CHRM3: variants seen among roughly 807,000 people sequenced by gnomAD.
CHRM3 encodes cholinergic receptor muscarinic 3, also known as muscarinic acetylcholine receptor M3.
Under a neutral mutation model 41.8 loss-of-function variants are expected in CHRM3, and 11 were observed. The observed-to-expected ratio is 0.26, with a 90% CI of 0.17 to 0.44. CHRM3 has a LOEUF of 0.44. CHRM3 is among the 20% of genes least tolerant of loss of function. The pLI is 1.00. For missense variants in CHRM3, 571 were observed against 745.4 expected, an observed-to-expected ratio of 0.77 and a Z score of 2.72; for synonymous variants, 297 against 301.4, an observed-to-expected ratio of 0.99 and a Z score of 0.15.
chr1:239,815,836 T>C (rs144097944), intron 5 of CHRM3, among the ~76,000 whole-genome samples: 2 of 152,326 alleles, frequency 1.3e-5, no homozygotes, highest in Non-Finnish European at 2.9e-5. Context: ...CCAGGTTTTA[T>C]GCATCTTTAA....
intron 6 of CHRM3, among the ~76,000 whole-genome samples, chr1:239,906,788 G>A (rs1679999201): frequency 1.3e-5 from 2 of 152,176 alleles, no homozygotes; most frequent in Admixed American, 1.3e-4. Flanking sequence ...AAGTTCATCT[G>A]CATGTTATCA....
chr1:239,821,205 A>T (rs1444636991), intron 5 of CHRM3, among the ~76,000 whole-genome samples: 2 of 152,216 alleles, frequency 1.3e-5, no homozygotes, highest in Non-Finnish European at 2.9e-5. Context: ...GGTGTTTCCA[A>T]CATCCAGGAT....
At chr1:239,815,028 G>A (rs890585525) in intron 5 of CHRM3, among the ~76,000 whole-genome samples, 4 of 152,088 alleles carry the variant, frequency 2.6e-5, no homozygotes, top group Non-Finnish European at 2.9e-5. Context: ...CACCTGCCTC[G>A]GCCTCCCAAA....
At chr1:239,416,047 AAG>A (rs758074873) in intron 1 of CHRM3, among the ~76,000 whole-genome samples, 2 of 152,224 alleles carry the variant, frequency 1.3e-5, no homozygotes, top group Non-Finnish European at 2.9e-5. Context: ...AGAGAAATAA[AAG>A]AGGCTCTTCA....
chr1:239,459,970 T>G (rs2147872558), intron 1 of CHRM3, among the ~76,000 whole-genome samples: 1 of 152,332 alleles, frequency 6.6e-6, no homozygotes, highest in Non-Finnish European at 1.5e-5. Flanking sequence ...TCAGGGGCTT[T>G]ACCCATACTA....
In CHRM3 at chr1:239,494,717, G is replaced by A. The variant is rs577467020; in HGVS notation, c.-422+1910G>A. On this transcript the variant is annotated intron_variant, in intron 2 of 6. Coordinates refer to ENST00000676153, the MANE Select transcript of CHRM3 (RefSeq NM_001375978.1). Reference sequence around the variant, plus strand: ...CTCCCCAACCCAGCCTTCCCTGATAGGCCCCAGTGTGTGATGTTCCCCTCC... The same window carrying A: ...CTCCCCAACCCAGCCTTCCCTGATAAGCCCCAGTGTGTGATGTTCCCCTCC... Among the ~76,000 whole-genome samples, 146 of 152,084 alleles carry A rather than the reference G, an allele frequency of 9.6e-4. 1 individual carries two copies. Among genetic ancestry groups the A allele is most frequent in the African/African-American group, 3.5e-3 (144 of 41,478 alleles).
chr1:239,551,996 T>C (rs1056003207), intron 3 of CHRM3, among the ~76,000 whole-genome samples: 16 of 152,146 alleles, frequency 1.1e-4, no homozygotes, highest in Admixed American at 6.5e-4. Flanking sequence ...ATTCATCCGG[T>C]TGTGTAACCA....
intron 5 of CHRM3, among the ~76,000 whole-genome samples, chr1:239,795,548 A>C (rs80136938): frequency 0.012 from 1,864 of 152,246 alleles, 45 homozygotes; most frequent in African/African-American, 0.043. Flanking sequence ...GTCCTTGTAA[A>C]CTGTCCAAAT....
chr1:239,894,466 T>C (rs1678819484), intron 6 of CHRM3, among the ~76,000 whole-genome samples: 1 of 152,134 alleles, frequency 6.6e-6, no homozygotes, highest in Admixed American at 6.5e-5. Context: ...GGAGTCTCAC[T>C]CTGTCATTCA....
At chr1:239,426,362 T>G (rs1300069944) in intron 1 of CHRM3, among the ~76,000 whole-genome samples, 4 of 151,106 alleles carry the variant, frequency 2.6e-5, no homozygotes, top group Non-Finnish European at 5.9e-5. Context: ...GGAGTATTTT[T>G]CACCATGGAA....
intron 5 of CHRM3, among the ~76,000 whole-genome samples, chr1:239,789,613 G>C (rs1230691173): frequency 6.6e-6 from 1 of 152,174 alleles, no homozygotes; most frequent in Non-Finnish European, 1.5e-5. Context: ...GCAAGAGAGA[G>C]AGTGGGGAGG....
At chr1:239,860,913 A>G (rs1675582194) in intron 6 of CHRM3, among the ~76,000 whole-genome samples, 2 of 152,162 alleles carry the variant, frequency 1.3e-5, no homozygotes, top group African/African-American at 4.8e-5. Context: ...AGTTGTAGTC[A>G]TTATATCTAT....
At chr1:239,448,702 T>A (rs982658950) in intron 1 of CHRM3, among the ~76,000 whole-genome samples, 1 of 152,186 alleles carries the variant, frequency 6.6e-6, no homozygotes, top group Admixed American at 6.5e-5. Context: ...TGCTGTAGGC[T>A]GTAGTTACAA....
intron 1 of CHRM3, among the ~76,000 whole-genome samples, chr1:239,467,901 C>A (rs1458523729): frequency 7.6e-6 from 1 of 132,312 alleles, no homozygotes; most frequent in African/African-American, 3.4e-5. Flanking sequence ...TTTTCCCTAC[C>A]CCCCCCCAAC....
chr1:239,882,055 G>A (rs1026596083), intron 6 of CHRM3, among the ~76,000 whole-genome samples: 3 of 152,080 alleles, frequency 2.0e-5, no homozygotes, highest in Admixed American at 6.6e-5. Flanking sequence ...ACAGGCACCC[G>A]CCACCATGCC....
intron 5 of CHRM3, among the ~76,000 whole-genome samples, chr1:239,791,362 C>T (rs906481047): frequency 4.6e-5 from 7 of 152,180 alleles, no homozygotes; most frequent in Non-Finnish European, 7.3e-5. Flanking sequence ...TTCTTGGCCT[C>T]CCAAAGTCCT....
At chr1:239,812,793 A>G (rs1671216627) in intron 5 of CHRM3, among the ~76,000 whole-genome samples, 1 of 152,230 alleles carries the variant, frequency 6.6e-6, no homozygotes, top group African/African-American at 2.4e-5. Flanking sequence ...CTGAAAGTAC[A>G]AAGTATTTTA....
intron 2 of CHRM3, among the ~76,000 whole-genome samples, chr1:239,493,672 C>A (rs1333442031): frequency 6.6e-6 from 1 of 152,178 alleles, no homozygotes; most frequent in African/African-American, 2.4e-5. Flanking sequence ...TTAAAATCCC[C>A]TACTTGGAAC....
intron 4 of CHRM3, among the ~76,000 whole-genome samples, chr1:239,655,653 C>T (rs986592192): frequency 6.6e-6 from 1 of 152,132 alleles, no homozygotes; most frequent in Non-Finnish European, 1.5e-5. Flanking sequence ...TTCCCTAAGA[C>T]CTTACTGTCC....
Sources: allele counts gnomAD v4.1 joint callset (sites outside exome capture counted in the v4.1 genomes callset), GRCh38; gene constraint gnomAD v4.1.1; transcripts MANE v1.5; gene names NCBI Gene and HGNC (gene_info 2026-07-23, HGNC 2026-07-21).